The following NPNT variants were observed in gnomAD, a reference collection of about 807,000 sequenced individuals.
The protein encoded by NPNT is nephronectin.
Under a neutral mutation model 68.6 loss-of-function variants are expected in NPNT, and 45 were observed. The observed-to-expected ratio is 0.66, with a 90% confidence interval of 0.52 to 0.84. NPNT has a LOEUF of 0.84. Among genes scored for constraint, NPNT ranks in the 40% least tolerant of loss-of-function variants. The pLI is 0.00. For synonymous variants in NPNT, 233 were observed against 253.3 expected (o/e 0.92, Z 0.76); for missense variants, 672 against 714.8 (o/e 0.94, Z 0.68).
In NPNT at chr4:105,914,371, C is replaced by CTA. The variant is rs1247136383; in HGVS notation, c.173-12964_173-12963insAT. Among the ~76,000 whole-genome samples, 13 of 128,940 alleles carry CTA rather than the reference C, an allele frequency of 1.0e-4. No homozygotes were observed. The East Asian group carries it at 1.1e-3, about 11-fold the overall frequency. The allele number at this position is 128,940 out of a possible 152,430, so 84.6% of individuals were successfully genotyped here. ...CTCTCCATTCTCTCTCTCTCTCTCT[C>CTA]TCTATATATATAATATATAAAAATA... On this transcript the variant is annotated intron_variant, in intron 2 of 11. Transcript: ENST00000379987.
intron 2 of NPNT, among the ~76,000 whole-genome samples, chr4:105,898,358 C>CTCTG: frequency 7.0e-6 from 1 of 143,600 alleles, no homozygotes; most frequent in Non-Finnish European, 1.5e-5. Context: ...CTCTCTCTCT[C>CTCTG]TCTCTCTCTC....
At chr4:105,950,140 T>C (rs1316795191) in intron 8 of NPNT, among the ~76,000 whole-genome samples, 4 of 152,172 alleles carry the variant, frequency 2.6e-5, no homozygotes. Flanking sequence ...TCATTGAAGG[T>C]TTTATTAACT....
chr4:105,940,165 A>T lies in NPNT; in HGVS notation c.596A>T (p.Lys199Ile). The T allele has an allele frequency of 6.2e-7, 1 of 1,613,496 alleles. No individual in the cohort carries two copies. ...TFGSYICKCH[K>I]GFDLMYIGGK... ...GGGAGCTACATCTGCAAGTGTCATA[A>T]AGGCTTCGATCTCATGTATATTGGA... is the stretch of plus-strand genomic sequence containing the variant. Residue 199 changes from lysine (K) to isoleucine (I), a missense_variant, in exon 6 of 12, where the codon AAA (lysine) becomes ATA (isoleucine). Coordinates refer to ENST00000379987, the MANE Select transcript of NPNT (RefSeq NM_001033047.3).
At chr4:105,916,541 G>A (rs937077100) in intron 2 of NPNT, among the ~76,000 whole-genome samples, 6 of 152,066 alleles carry the variant, frequency 3.9e-5, no homozygotes, top group Non-Finnish European at 8.8e-5. Flanking sequence ...TATTTTTTAA[G>A]TTTATATTCT....
At position 105,927,093 on chromosome 4, in the gene NPNT, G is replaced by A. The variant is rs533547822; in HGVS notation, c.173-243G>A. On this transcript the variant is annotated intron_variant, in intron 2 of 11. Transcript: ENST00000379987. ...TACCTAGTTTTATTTGTCTATTTGA[G>A]TATTGTCCTTGAATTTAAAATTTTT... 1.5e-5 allele frequency: 4 copies of A among 271,548 alleles called. No homozygotes were observed. In the South Asian group the frequency reaches 4.2e-4, roughly 28 times the overall value. The allele number at this position is 271,548 out of a possible 1,614,324, so 16.8% of individuals were successfully genotyped here.
At chr4:105,940,728 T>G (rs745589834) in intron 7 of NPNT, 92 bp downstream of exon 7, 4 of 1,119,080 alleles carry the variant, frequency 3.6e-6, no homozygotes, top group Non-Finnish European at 5.2e-6. Flanking sequence ...AATAAGATTA[T>G]CAAAGAAGTA....
intron 4 of NPNT, 28 bp from the exon 5 acceptor site, chr4:105,938,273 C>T (rs746342339): frequency 2.5e-6 from 4 of 1,607,634 alleles, no homozygotes; most frequent in Non-Finnish European, 3.4e-6. Flanking sequence ...TTCTACCTGT[C>T]TGAGTCAGCC....
chr4:105,966,816 G>A (rs1331976578), intron 10 of NPNT, among the ~76,000 whole-genome samples: 1 of 152,140 alleles, frequency 6.6e-6, no homozygotes, highest in African/African-American at 2.4e-5. Flanking sequence ...CACCAAGCCA[G>A]ATCGCCAGGG....
At chr4:105,919,323 A>G (rs932880978) in intron 2 of NPNT, among the ~76,000 whole-genome samples, 1 of 151,780 alleles carries the variant, frequency 6.6e-6, no homozygotes, top group African/African-American at 2.4e-5. Context: ...ACCTAATGAC[A>G]CTTCGTGCCT....
At position 105,971,283 on chromosome 4, in the gene NPNT, C is replaced by T; in HGVS notation, c.*2293C>T. On this transcript the variant is annotated 3_prime_UTR_variant, in exon 12 of 12. Transcript: ENST00000379987. ...GTTTCTCTTATCAATTGGACTCTCCCAGGTTCCACAGAACAGTAATATTTT... is the reference window on the plus strand; with the variant it reads ...GTTTCTCTTATCAATTGGACTCTCCTAGGTTCCACAGAACAGTAATATTTT... 1 of 378,582 alleles carries T rather than the reference C, an allele frequency of 2.6e-6. No individual in the cohort carries two copies. Among genetic ancestry groups the T allele is most frequent in the Non-Finnish European group, 5.5e-6 (1 of 181,932 alleles). The allele number at this position is 378,582 out of a possible 1,614,324, so 23.5% of individuals were successfully genotyped here. A position where few individuals can be genotyped will look rare whatever the true frequency, so the allele number is the denominator to read the frequency against.
intron 8 of NPNT, among the ~76,000 whole-genome samples, chr4:105,944,210 T>C (rs745872833): frequency 2.0e-5 from 3 of 152,184 alleles, no homozygotes; most frequent in African/African-American, 7.2e-5. Context: ...TTCTGAAATT[T>C]ATGTTTTTGT....
intron 3 of NPNT, among the ~76,000 whole-genome samples, chr4:105,933,127 GTGACCTTCTTT>G (rs1394844953): frequency 6.6e-6 from 1 of 152,120 alleles, no homozygotes; most frequent in Non-Finnish European, 1.5e-5. Flanking sequence ...GCATACATTA[GTGACCTTCTTT>G]TGGTATACAT....
rs775131445 is a variant in NPNT, at chr4:105,942,535, C to T, written c.992C>T (p.Pro331Leu). ...KPTPIPTPPP[P>L]PPLPTELRTP... ...ACACCAATTCCTACTCCACCACCAC[C>T]ACCACCCCTGCCAACAGAGCTCAGA... The change falls in exon 8 of 12, where the codon CCA (proline) becomes CTA (leucine). Residue 331 changes from proline to leucine, a missense_variant. By Grantham distance (98) the Pro-to-Leu change is moderately conservative (BLOSUM62 -3). Coordinates refer to ENST00000379987, the MANE Select transcript of NPNT (RefSeq NM_001033047.3). 1 of 1,613,920 alleles carries T rather than the reference C, an allele frequency of 6.2e-7. No individual in the cohort carries two copies. Among genetic ancestry groups the T allele is most frequent in the Admixed American group, 1.7e-5 (1 of 59,962 alleles).
chr4:105,898,369 T>TCTCTCTCTCTCTCTCTCTCA (rs1560882016), intron 2 of NPNT, among the ~76,000 whole-genome samples: 1 of 128,812 alleles, frequency 7.8e-6, no homozygotes, highest in Non-Finnish European at 1.6e-5. Flanking sequence ...TCTCTCTCTC[T>TCTCTCTCTCTCTCTCTCTCA]CTCTCTCTCT....
At chr4:105,915,462 A>G (rs1237366464) in intron 2 of NPNT, among the ~76,000 whole-genome samples, 1 of 152,172 alleles carries the variant, frequency 6.6e-6, no homozygotes, top group East Asian at 1.9e-4. Context: ...AGTCTGAGCT[A>G]CAGCTTCTTT....
chr4:105,895,796 C>T, intron 1 of NPNT, 73 bp downstream of exon 1: 4 of 1,339,528 alleles, frequency 3.0e-6, no homozygotes, highest in Non-Finnish European at 4.2e-6. Context: ...GGTCACTTTT[C>T]CCCGCGGGGT....
intron 5 of NPNT, among the ~76,000 whole-genome samples, chr4:105,939,479 CAG>C (rs1312271146): frequency 6.6e-6 from 1 of 152,024 alleles, no homozygotes; most frequent in African/African-American, 2.4e-5. Flanking sequence ...TTCAAGGACA[CAG>C]GGGAGGAATG....
At chr4:105,904,994 C>T (rs1026258704) in intron 2 of NPNT, among the ~76,000 whole-genome samples, 5 of 151,976 alleles carry the variant, frequency 3.3e-5, no homozygotes, top group African/African-American at 1.2e-4. Context: ...CCTTGGTCTC[C>T]CAAAGTGCTG....
intron 2 of NPNT, among the ~76,000 whole-genome samples, chr4:105,913,823 T>C (rs1178701970): frequency 6.6e-6 from 1 of 152,202 alleles, no homozygotes; most frequent in Non-Finnish European, 1.5e-5. Flanking sequence ...TCTCTAATAA[T>C]ATCCATCCAT....
Sources: allele counts gnomAD v4.1 joint callset (sites outside exome capture counted in the v4.1 genomes callset), GRCh38; gene constraint gnomAD v4.1.1; transcripts MANE v1.5; gene names NCBI Gene and HGNC (gene_info 2026-07-23, HGNC 2026-07-21).